ARHGAP22: variants seen among roughly 807,000 people sequenced by gnomAD.
ARHGAP22 encodes Rho GTPase activating protein 22.
In ARHGAP22, 48 loss-of-function variants were observed where a neutral mutation model predicts 59.1. That is an observed-to-expected ratio of 0.81 (90% confidence interval 0.64 to 1.03). ARHGAP22 has a LOEUF of 1.03. Ranked by LOEUF, ARHGAP22 falls within the 50% of genes least tolerant of loss-of-function variation. ARHGAP22 has a pLI of 0.00. For missense variants in ARHGAP22, 1,015 were observed against 958.7 expected (o/e 1.06, Z -0.78); for synonymous variants, 445 against 416.4 (o/e 1.07, Z -0.84).
rs576593419 is a variant in ARHGAP22, at chr10:48,648,851, C to T, written c.52+3383G>A. Among the ~76,000 whole-genome samples, 272 of 152,270 alleles carry T rather than the reference C, an allele frequency of 1.8e-3. 1 individual carries two copies. The highest frequency in any genetic ancestry group is 6.1e-3 in the African/African-American group (255 of 41,540). ...GTGCCAGAGGAGGGCAGGCAGCCGACAGAGGTAAGTGGCCTGGGCATCCAT... is the reference window on the plus strand; with the variant it reads ...GTGCCAGAGGAGGGCAGGCAGCCGATAGAGGTAAGTGGCCTGGGCATCCAT... On this transcript the variant is annotated intron_variant, in intron 1 of 9. Coordinates refer to the ARHGAP22 transcript ENST00000435790.
At chr10:48,525,441 C>T (rs374719083) in intron 3 of ARHGAP22, among the ~76,000 whole-genome samples, 4 of 152,278 alleles carry the variant, frequency 2.6e-5, no homozygotes, top group South Asian at 2.1e-4. Context: ...TGCATGGTAG[C>T]GCACACCTGT....
chr10:48,525,433 C>T (rs1012303739), intron 3 of ARHGAP22, among the ~76,000 whole-genome samples: 7 of 152,186 alleles, frequency 4.6e-5, no homozygotes, highest in African/African-American at 1.4e-4. Flanking sequence ...ATTAGCCATG[C>T]ATGGTAGCGC....
At chr10:48,609,074 TG>T (rs1005470630), upstream of ARHGAP22, among the ~76,000 whole-genome samples, 44 of 152,280 alleles carry the variant, frequency 2.9e-4, no homozygotes, top group African/African-American at 9.6e-4. Flanking sequence ...AACTAGCAAA[TG>T]CAGTAAATCA....
At chr10:48,507,192 C>T (rs569031376) in intron 3 of ARHGAP22, among the ~76,000 whole-genome samples, 106 of 152,302 alleles carry the variant, frequency 7.0e-4, no homozygotes, top group African/African-American at 2.2e-3. Context: ...CACAGTAACA[C>T]CTGGTTTATC....
chr10:48,475,567 C>A (rs560638530), intron 4 of ARHGAP22, among the ~76,000 whole-genome samples: 1 of 152,310 alleles, frequency 6.6e-6, no homozygotes, highest in African/African-American at 2.4e-5. Flanking sequence ...ATCAAAACAT[C>A]CCAGAATTAT....
At chr10:48,593,693 C>T (rs2059901961) in intron 1 of ARHGAP22, among the ~76,000 whole-genome samples, 1 of 152,236 alleles carries the variant, frequency 6.6e-6, no homozygotes, top group Non-Finnish European at 1.5e-5. Flanking sequence ...CTACTCAGAA[C>T]AGCATACAAT....
In ARHGAP22 at chr10:48,446,240, AAGTCCCCAC is replaced by A. The variant is rs149234069; in HGVS notation, c.*142_*150del. 1,824 of 791,504 alleles carry A rather than the reference AAGTCCCCAC, an allele frequency of 2.3e-3. 22 individuals are homozygous for A. In the African/African-American group the frequency reaches 0.03, roughly 13 times the overall value. 49.0% of individuals were successfully genotyped at this position (791,504 alleles called of 1,614,324 possible). ...CCACCTGGAGTGTGTGGGGTCCCAA[AAGTCCCCAC>A]AGTCCCCACAGAGGTATCAGGATCT... On this transcript the variant is annotated 3_prime_UTR_variant, in exon 10 of 10. Coordinates refer to ENST00000249601, the MANE Select transcript of ARHGAP22 (RefSeq NM_021226.4).
chr10:48,601,935 C>T (rs919749138), intron 1 of ARHGAP22, among the ~76,000 whole-genome samples: 1 of 152,146 alleles, frequency 6.6e-6, no homozygotes, highest in African/African-American at 2.4e-5. Context: ...TGTACAGGGC[C>T]AGGTGCAGAG....
chr10:48,486,157 C>G (rs2049840856), intron 3 of ARHGAP22, among the ~76,000 whole-genome samples: 1 of 152,028 alleles, frequency 6.6e-6, no homozygotes, highest in South Asian at 2.1e-4. Flanking sequence ...ACATCTTTAA[C>G]TTATCACAGT....
rs117559129 is a variant in ARHGAP22 at position 48,550,549 on chromosome 10, C to T, written c.322+4914G>A. On this transcript the variant is annotated intron_variant, in intron 3 of 9. Coordinates refer to ENST00000249601, the MANE Select transcript of ARHGAP22 (RefSeq NM_021226.4). ...CTTCCAGGCCTGGACCAACACATCT[C>T]CCAGGCATGATGGCCTCCTAGCATG... Among the ~76,000 whole-genome samples the T allele has an allele frequency of 3.6e-4, 55 of 152,318 alleles. 2 individuals are homozygous for T. In the East Asian group the frequency reaches 0.01, roughly 28 times the overall value.
Position 48,540,524 on chromosome 10 carries a change from C to G in ARHGAP22, c.322+14939G>C, listed in dbSNP as rs1290537588. 1.5e-4 allele frequency among the ~76,000 whole-genome samples: 23 copies of G among 152,226 alleles called. 1 individual carries two copies. The highest frequency in any genetic ancestry group is 1.5e-3 in the Admixed American group (23 of 15,288). On this transcript the variant is annotated intron_variant, in intron 3 of 9. Coordinates refer to ENST00000249601, the MANE Select transcript of ARHGAP22 (RefSeq NM_021226.4). ...GGGATTATAGGTGTGAGCCACCATG[C>G]CCTGCCAGCTCCTGTCAATTCTTTA...
chr10:48,622,728 C>A (rs1340499695), intron 1 of ARHGAP22, among the ~76,000 whole-genome samples: 1 of 152,184 alleles, frequency 6.6e-6, no homozygotes. Flanking sequence ...TAATAGTCAC[C>A]TGCAAGGGGT....
intron 1 of ARHGAP22, among the ~76,000 whole-genome samples, chr10:48,623,670 T>C (rs896682901): frequency 6.6e-6 from 1 of 152,142 alleles, no homozygotes; most frequent in African/African-American, 2.4e-5. Context: ...GTGACCTGGA[T>C]GCTAAAGAAC....
At chr10:48,600,075 T>C (rs1437817579) in intron 1 of ARHGAP22, among the ~76,000 whole-genome samples, 1 of 152,222 alleles carries the variant, frequency 6.6e-6, no homozygotes, top group Non-Finnish European at 1.5e-5. Flanking sequence ...ACTTATATTA[T>C]TCTGCCTCTG....
At chr10:48,471,569 T>C (rs2048229119) in intron 4 of ARHGAP22, among the ~76,000 whole-genome samples, 1 of 152,088 alleles carries the variant, frequency 6.6e-6, no homozygotes, top group African/African-American at 2.4e-5. Flanking sequence ...TGCCATAGCC[T>C]CCCAAACCAG....
intron 3 of ARHGAP22, among the ~76,000 whole-genome samples, chr10:48,487,380 T>A (rs1330555808): frequency 6.6e-6 from 1 of 152,230 alleles, no homozygotes; most frequent in Non-Finnish European, 1.5e-5. Flanking sequence ...TTAAAGTTGC[T>A]AATCAGCTGG....
At chr10:48,479,582 G>A (rs1215799985) in intron 4 of ARHGAP22, 54 bp downstream of exon 4, 4 of 1,613,130 alleles carry the variant, frequency 2.5e-6, no homozygotes, top group Non-Finnish European at 2.5e-6. Context: ...CAGGGGGCAT[G>A]ATTACCTGGA....
At chr10:48,492,454 T>C (rs2050496420) in intron 3 of ARHGAP22, among the ~76,000 whole-genome samples, 1 of 152,188 alleles carries the variant, frequency 6.6e-6, no homozygotes, top group African/African-American at 2.4e-5. Context: ...AACAGAGATA[T>C]AATGTGAGCT....
chr10:48,447,360 G>A (rs1045312228), intron 9 of ARHGAP22, among the ~76,000 whole-genome samples: 1 of 152,200 alleles, frequency 6.6e-6, no homozygotes, highest in African/African-American at 2.4e-5. Context: ...CCAGCCTGGT[G>A]ACCTCTGAGC....
Sources: allele counts gnomAD v4.1 joint callset (sites outside exome capture counted in the v4.1 genomes callset), GRCh38; gene constraint gnomAD v4.1.1; transcripts MANE v1.5; gene names NCBI Gene and HGNC (gene_info 2026-07-23, HGNC 2026-07-21).